The following TMEM40 variants were observed in gnomAD, a reference collection of about 807,000 sequenced individuals.
TMEM40 encodes transmembrane protein 40.
TMEM40 carries 34 observed loss-of-function variants against 40.8 expected under a neutral mutation model. That is an observed-to-expected ratio of 0.83 (90% CI 0.63 to 1.11). The LOEUF is 1.11. Ranked by LOEUF, TMEM40 falls within the 50% of genes least tolerant of loss-of-function variation. The pLI is 0.00. For synonymous variants in TMEM40, 106 were observed against 107.0 expected (o/e 0.99, Z 0.06); for missense variants, 296 against 280.2 (o/e 1.06, Z -0.40).
intron 1 of TMEM40, among the ~76,000 whole-genome samples, chr3:12,766,880 G>T (rs959663363): frequency 6.6e-6 from 1 of 151,990 alleles, no homozygotes; most frequent in African/African-American, 2.4e-5. Context: ...CCTGACCCTC[G>T]GCCTAGTGAT....
At chr3:12,734,854 C>T in intron 11 of TMEM40, 61 bp from the exon 12 acceptor site, 1 of 1,561,880 alleles carries the variant, frequency 6.4e-7, no homozygotes, top group Non-Finnish European at 8.7e-7. Context: ...TTCATCCCCA[C>T]CATCACCTCA....
intron 2 of TMEM40, among the ~76,000 whole-genome samples, chr3:12,749,353 G>T (rs781157802): frequency 1.3e-5 from 2 of 152,206 alleles, no homozygotes; most frequent in Non-Finnish European, 2.9e-5. Context: ...CCCCTGCCTT[G>T]CCCAGAGACA....
At chr3:12,746,735 G>A (rs1273186527) in intron 3 of TMEM40, among the ~76,000 whole-genome samples, 1 of 152,132 alleles carries the variant, frequency 6.6e-6, no homozygotes, top group African/African-American at 2.4e-5. Flanking sequence ...GCTTTCTCCC[G>A]CTGCTTTCTC....
At chr3:12,760,126 A>G (rs2061558821), upstream of TMEM40, among the ~76,000 whole-genome samples, 1 of 152,150 alleles carries the variant, frequency 6.6e-6, no homozygotes, top group African/African-American at 2.4e-5. Context: ...TGCCTTCAGT[A>G]TAGCCTGAAT....
At chr3:12,741,528 G>A in intron 5 of TMEM40, among the ~76,000 whole-genome samples, 1 of 152,142 alleles carries the variant, frequency 6.6e-6, no homozygotes, top group Non-Finnish European at 1.5e-5. Flanking sequence ...AACATGAAAT[G>A]AGAACTCAAG....
In TMEM40 at chr3:12,736,589, T is replaced by C; in HGVS notation, c.608A>G (p.Tyr203Cys). The change falls in exon 10 of 12, where the codon TAC becomes TGC. Residue 203 changes from tyrosine to cysteine, a missense_variant. Physicochemically the swap from Tyr to Cys is radical, Grantham distance 194 (BLOSUM62 -2). Coordinates refer to ENST00000314124, the MANE Select transcript of TMEM40 (RefSeq NM_018306.4). Reference sequence around the variant, plus strand: ...GGGGAGGGGCTTACCTAGTCCGAAGTAGATGCCAACGGTTTCCAGGGAGGC... The same window carrying C: ...GGGGAGGGGCTTACCTAGTCCGAAGCAGATGCCAACGGTTTCCAGGGAGGC... The part of the protein sequence containing the change: ...TFASLETVGI[Y>C]FGLVYRIHSV... The C allele has an allele frequency of 1.3e-6, 2 of 1,556,910 alleles. No homozygotes were observed. The highest frequency in any genetic ancestry group is 1.7e-6 in the Non-Finnish European group (2 of 1,149,930).
At chr3:12,767,929 C>T (rs897702450) in intron 1 of TMEM40, among the ~76,000 whole-genome samples, 9 of 152,148 alleles carry the variant, frequency 5.9e-5, no homozygotes, top group Admixed American at 2.0e-4. Flanking sequence ...GTCATAGTTA[C>T]GGACTCAAGA....
intron 1 of TMEM40, among the ~76,000 whole-genome samples, chr3:12,756,808 T>A (rs1427295555): frequency 6.6e-6 from 1 of 151,708 alleles, no homozygotes; most frequent in African/African-American, 2.4e-5. Context: ...TTTCTCTCTC[T>A]CTCACACACA....
intron 9 of TMEM40, 51 bp downstream of exon 9, chr3:12,736,713 C>T (rs1315991012): frequency 6.2e-7 from 1 of 1,613,824 alleles, no homozygotes; most frequent in Admixed American, 1.7e-5. Context: ...CTGCCCCCTG[C>T]ACCACCCCAT....
At chr3:12,755,225 C>CTT (rs59066900) in intron 1 of TMEM40, among the ~76,000 whole-genome samples, 171 of 78,958 alleles carry the variant, frequency 2.2e-3, no homozygotes, top group African/African-American at 9.9e-3. Context: ...CTCTCTCTCT[C>CTT]TCTCTCTCTC....
chr3:12,739,528 C>A (rs1255512878), intron 5 of TMEM40, among the ~76,000 whole-genome samples: 1 of 152,084 alleles, frequency 6.6e-6, no homozygotes, highest in Non-Finnish European at 1.5e-5. Flanking sequence ...TCGTGATCCA[C>A]CCACCTCAGC....
intron 5 of TMEM40, among the ~76,000 whole-genome samples, chr3:12,741,086 C>T (rs1272671573): frequency 1.3e-5 from 2 of 152,256 alleles, no homozygotes; most frequent in Non-Finnish European, 2.9e-5. Flanking sequence ...ACCTACCAGG[C>T]TCTGAGCATG....
At chr3:12,738,279 C>A in intron 6 of TMEM40, 111 bp from the exon 7 acceptor site, 1 of 1,251,172 alleles carries the variant, frequency 8.0e-7, no homozygotes, top group African/African-American at 1.5e-5. Flanking sequence ...CCATGGAATT[C>A]TGCAGCCCCC....
chr3:12,751,403 T>C (rs1184684621), intron 1 of TMEM40, among the ~76,000 whole-genome samples: 2 of 151,416 alleles, frequency 1.3e-5, no homozygotes, highest in African/African-American at 2.4e-5. Context: ...TGCCTCAGCC[T>C]CCGGAGTAGC....
At chr3:12,747,118 A>C (rs2061434903) in intron 3 of TMEM40, among the ~76,000 whole-genome samples, 1 of 152,014 alleles carries the variant, frequency 6.6e-6, no homozygotes, top group Non-Finnish European at 1.5e-5. Context: ...GCCTGCTGAA[A>C]TGATCATTGA....
chr3:12,761,740 G>A (rs1260195739), upstream of TMEM40, among the ~76,000 whole-genome samples: 2 of 152,158 alleles, frequency 1.3e-5, no homozygotes, highest in Admixed American at 1.3e-4. Context: ...GGACAGGGTC[G>A]TGGGAAGTTT....
chr3:12,765,098 C>T (rs1000989445), intron 1 of TMEM40, among the ~76,000 whole-genome samples: 15 of 152,064 alleles, frequency 9.9e-5, no homozygotes, highest in African/African-American at 3.6e-4. Context: ...CTCAAGTAAT[C>T]CACCTCCCTT....
upstream of TMEM40, among the ~76,000 whole-genome samples, chr3:12,761,874 G>GA (rs2061570230): frequency 6.6e-6 from 1 of 152,096 alleles, no homozygotes; most frequent in African/African-American, 2.4e-5. Flanking sequence ...GACTTGGTAT[G>GA]AAAAATGTAT....
At chr3:12,757,747 C>A (rs1295386120) in intron 1 of TMEM40, among the ~76,000 whole-genome samples, 1 of 152,144 alleles carries the variant, frequency 6.6e-6, no homozygotes, top group Non-Finnish European at 1.5e-5. Flanking sequence ...AGTATATTCG[C>A]AAGAGAATTG....
Sources: gnomAD v4.1 joint callset for allele counts (sites outside exome capture counted in the v4.1 genomes callset) on GRCh38, gnomAD v4.1.1 for gene constraint, MANE v1.5 for transcripts, NCBI Gene and HGNC (gene_info 2026-07-23, HGNC 2026-07-21) for gene names.